Variants in IPO11 observed in about 807,000 individuals in gnomAD.
IPO11 encodes the protein importin-11.
IPO11 carries 66 observed loss-of-function variants against 143.2 expected under a neutral mutation model. That is an observed-to-expected ratio of 0.46 (90% confidence interval 0.38 to 0.57). The LOEUF (loss-of-function observed/expected upper bound fraction) is 0.57. Among genes scored for constraint, IPO11 ranks in the 20% least tolerant of loss-of-function variants. The pLI, the probability that IPO11 is intolerant of heterozygous loss-of-function variation, is 0.00. For missense variants in IPO11, 1,026 were observed against 1,141.0 expected (o/e 0.90, Z 1.45); for synonymous variants, 385 against 377.8 (o/e 1.02, Z -0.22).
chr5:62,479,641 G>C (rs541422264), intron 9 of IPO11, among the ~76,000 whole-genome samples: 1 of 152,302 alleles, frequency 6.6e-6, no homozygotes, highest in South Asian at 2.1e-4. Flanking sequence ...TAACTGGTGT[G>C]AGATGGTATC....
At chr5:62,603,814 G>T (rs750293346) in intron 29 of IPO11, among the ~76,000 whole-genome samples, 2 of 152,186 alleles carry the variant, frequency 1.3e-5, no homozygotes, top group Non-Finnish European at 2.9e-5. Context: ...GACCTGCTGC[G>T]CAGTCATGCA....
chr5:62,501,240 C>A (rs1172535531), intron 16 of IPO11, among the ~76,000 whole-genome samples: 1 of 151,906 alleles, frequency 6.6e-6, no homozygotes. Flanking sequence ...TTCTATTTAC[C>A]TATCCTTTGT....
intron 1 of IPO11, among the ~76,000 whole-genome samples, chr5:62,430,674 T>G (rs1396738487): frequency 1.3e-5 from 2 of 151,086 alleles, no homozygotes; most frequent in Non-Finnish European, 2.9e-5. Flanking sequence ...TTAATTTAAT[T>G]ACTTAATTTT....
Position 62,489,248 on chromosome 5 carries a change from A to G in IPO11, c.1310-54A>G. ...ATTGTGTTTAAATATAAATTTTTTA[A>G]AAAACTAGTTTTATTTGCTTTTACT... is the stretch of plus-strand genomic sequence containing the variant. On this transcript the variant is annotated intron_variant, in intron 13 of 29. Coordinates refer to ENST00000325324, the MANE Select transcript of IPO11 (RefSeq NM_016338.5). 3 of 1,072,134 alleles carry G rather than the reference A, an allele frequency of 2.8e-6. No individual in the cohort carries two copies. The East Asian group carries it at 8.2e-5, about 29-fold the overall frequency. 66.4% of individuals were successfully genotyped at this position (1,072,134 alleles called of 1,614,324 possible).
chr5:62,518,314 C>T (rs1316906002), intron 20 of IPO11, among the ~76,000 whole-genome samples: 3 of 151,900 alleles, frequency 2.0e-5, no homozygotes, highest in Non-Finnish European at 4.4e-5. Flanking sequence ...TGAGGTGGCA[C>T]ATGCCTGTAG....
chr5:62,413,158 A>G (rs904854367), intron 1 of IPO11, among the ~76,000 whole-genome samples: 50 of 152,026 alleles, frequency 3.3e-4, no homozygotes, highest in African/African-American at 1.2e-3. Flanking sequence ...TGGAGCAATC[A>G]GGGTGCGGGG....
chr5:62,565,518 A>G (rs894429048), intron 27 of IPO11, among the ~76,000 whole-genome samples: 4 of 152,138 alleles, frequency 2.6e-5, no homozygotes, highest in African/African-American at 9.7e-5. Context: ...ACCGATGACA[A>G]CTTTAATTTC....
intron 28 of IPO11, among the ~76,000 whole-genome samples, chr5:62,600,488 A>G (rs1745466660): frequency 6.6e-6 from 1 of 152,266 alleles, no homozygotes; most frequent in South Asian, 2.1e-4. Context: ...CATTGCAGTT[A>G]GAATTCAGGT....
chr5:62,624,181 T>G (rs377178364), intron 29 of IPO11, among the ~76,000 whole-genome samples: 1 of 152,038 alleles, frequency 6.6e-6, no homozygotes, highest in Non-Finnish European at 1.5e-5. Context: ...ATTACAGGCA[T>G]GCACCACCAT....
At chr5:62,591,525 AAG>A (rs774370567) in intron 27 of IPO11, 50 bp from the exon 28 acceptor site, 6 of 1,059,830 alleles carry the variant, frequency 5.7e-6, no homozygotes, top group Non-Finnish European at 8.2e-6. Flanking sequence ...AAAAAACAAA[AAG>A]AATTAATCTA....
At chr5:62,563,684 G>A (rs905591539) in intron 27 of IPO11, among the ~76,000 whole-genome samples, 6 of 152,094 alleles carry the variant, frequency 3.9e-5, no homozygotes, top group Middle Eastern at 6.8e-3. Flanking sequence ...ACCTCATATA[G>A]TCTGAAGATA....
chr5:62,598,565 T>TTTTGAG (rs770605911), intron 28 of IPO11, among the ~76,000 whole-genome samples: 4 of 40,934 alleles, frequency 9.8e-5, no homozygotes, highest in Admixed American at 2.9e-4. Context: ...TTTTTTTTTT[T>TTTTGAG]ATGGAGTCTT....
At chr5:62,483,363 A>G (rs575845084) in intron 10 of IPO11, 70 bp downstream of exon 10, 39 of 909,794 alleles carry the variant, frequency 4.3e-5, no homozygotes, top group Middle Eastern at 3.3e-4. Flanking sequence ...TATAATTACA[A>G]ACTTTTTAAA....
intron 27 of IPO11, chr5:62,581,210 C>T: frequency 6.4e-7 from 1 of 1,550,930 alleles, no homozygotes; most frequent in Non-Finnish European, 8.7e-7. Flanking sequence ...TCCCCAAATT[C>T]TCTAGAAAGT....
At chr5:62,516,089 A>G (rs1032032473) in intron 20 of IPO11, among the ~76,000 whole-genome samples, 1 of 152,200 alleles carries the variant, frequency 6.6e-6, no homozygotes, top group African/African-American at 2.4e-5. Flanking sequence ...GAGTTAGAAT[A>G]TATGTGTGGA....
chr5:62,595,176 C>G (rs1188602287), intron 28 of IPO11, among the ~76,000 whole-genome samples: 1 of 152,180 alleles, frequency 6.6e-6, no homozygotes, highest in East Asian at 1.9e-4. Context: ...GCATTGCAAA[C>G]AGGAACTGTG....
intron 20 of IPO11, among the ~76,000 whole-genome samples, chr5:62,519,664 A>C (rs998252290): frequency 2.2e-4 from 34 of 152,220 alleles, no homozygotes; most frequent in African/African-American, 7.0e-4. Context: ...TAGTATACTG[A>C]GAAAGTACCA....
intron 5 of IPO11, among the ~76,000 whole-genome samples, chr5:62,466,549 A>C (rs1447234250): frequency 6.6e-6 from 1 of 152,148 alleles, no homozygotes; most frequent in African/African-American, 2.4e-5. Context: ...ATGTCACTGG[A>C]AGATGTTCTG....
In IPO11 at chr5:62,575,388, C is replaced by A. The variant is rs145138897; in HGVS notation, c.2582+14131C>A. On this transcript the variant is annotated intron_variant, in intron 27 of 29. Coordinates refer to ENST00000325324, the MANE Select transcript of IPO11 (RefSeq NM_016338.5). ...TTGTATTTGCCATGGTCTCTTACTCCTCAGTACTTACAGTCTAGGACCAAT... is the reference window on the plus strand; with the variant it reads ...TTGTATTTGCCATGGTCTCTTACTCATCAGTACTTACAGTCTAGGACCAAT... Among the ~76,000 whole-genome samples the A allele has an allele frequency of 1.4e-3, 213 of 152,290 alleles. 3 individuals are homozygous for A. Among genetic ancestry groups the A allele is most frequent in the Admixed American group, 1.8e-3 (28 of 15,290 alleles).
Sources: gnomAD v4.1 joint callset for allele counts (sites outside exome capture counted in the v4.1 genomes callset) on GRCh38, gnomAD v4.1.1 for gene constraint, MANE v1.5 for transcripts, NCBI Gene and HGNC (gene_info 2026-07-23, HGNC 2026-07-21) for gene names.